The following DNAJC27 variants were observed in gnomAD, a reference collection of about 807,000 sequenced individuals.
DNAJC27 encodes dnaJ homolog subfamily C member 27.
Under a neutral mutation model 31.4 loss-of-function variants are expected in DNAJC27, and 25 were observed. That is an observed-to-expected ratio of 0.80 (90% CI 0.58 to 1.11). DNAJC27 has a LOEUF of 1.11. Ranked by LOEUF, DNAJC27 falls within the 50% of genes most tolerant of loss-of-function variation. DNAJC27 has a pLI of 0.00. For synonymous variants in DNAJC27, 106 were observed against 112.7 expected, an observed-to-expected ratio of 0.94 and a Z score of 0.37; for missense variants, 356 against 347.3, an observed-to-expected ratio of 1.02 and a Z score of -0.20.
intron 1 of DNAJC27, chr2:24,968,918 T>A (rs1666256008): frequency 6.2e-6 from 1 of 160,058 alleles, no homozygotes; most frequent in South Asian, 1.8e-4. Context: ...CTTGAGTACA[T>A]AGACAAATTT....
At chr2:24,957,783 T>C (rs1665943237) in intron 4 of DNAJC27, 27 bp downstream of exon 4, 1 of 1,604,394 alleles carries the variant, frequency 6.2e-7, no homozygotes, top group Non-Finnish European at 8.5e-7. Context: ...CCTAGAAATC[T>C]GAACACACCA....
chr2:24,969,998 T>C (rs1666288345), intron 1 of DNAJC27, among the ~76,000 whole-genome samples: 1 of 152,246 alleles, frequency 6.6e-6, no homozygotes, highest in Non-Finnish European at 1.5e-5. Flanking sequence ...TAATCCCACG[T>C]AAGGAAAAAG....
intron 1 of DNAJC27, chr2:24,969,527 GAGTGC>G (rs1437669954): frequency 1.2e-5 from 2 of 160,558 alleles, no homozygotes; most frequent in African/African-American, 4.8e-5. Context: ...GCCTAGGCTG[GAGTGC>G]AGTGGCACAA....
In DNAJC27 at chr2:24,967,953, C is replaced by A. The variant is rs907931962; in HGVS notation, c.88-660G>T. 1.8e-4 allele frequency among the ~76,000 whole-genome samples: 26 copies of A among 147,784 alleles called. 1 individual carries two copies. The highest frequency in any genetic ancestry group is 2.8e-4 in the Non-Finnish European group (19 of 67,512). On this transcript the variant is annotated intron_variant, in intron 1 of 6. Coordinates refer to ENST00000264711, the MANE Select transcript of DNAJC27 (RefSeq NM_016544.3). ...TCTCTAAATATCTATTAGATTAATTCCTTTTTTTTTTTTTTTTTGAGCCTA... is the reference window on the plus strand; with the variant it reads ...TCTCTAAATATCTATTAGATTAATTACTTTTTTTTTTTTTTTTTGAGCCTA...
At chr2:24,965,341 C>T (rs551855088) in intron 2 of DNAJC27, among the ~76,000 whole-genome samples, 4 of 152,042 alleles carry the variant, frequency 2.6e-5, no homozygotes, top group African/African-American at 7.2e-5. Context: ...CTGCAACCTC[C>T]GCCTCCGGGG....
chr2:24,954,400 C>A (rs1369864225), intron 5 of DNAJC27, among the ~76,000 whole-genome samples: 3 of 152,208 alleles, frequency 2.0e-5, no homozygotes, highest in East Asian at 3.9e-4. Context: ...AAAGGCTGTG[C>A]CCTAAAAATT....
At position 24,946,096 on chromosome 2, in the gene DNAJC27, T is replaced by C. The variant is rs894668755; in HGVS notation, c.*1520A>G. ...AAGAATGACGACGTAATGAGTCAAG[T>C]GGTGAGACTAGTTCTATAAGCACCG... is the stretch of plus-strand genomic sequence containing the variant. On this transcript the variant is annotated 3_prime_UTR_variant, in exon 7 of 7. Coordinates refer to ENST00000264711, the MANE Select transcript of DNAJC27 (RefSeq NM_016544.3). 11 of 152,204 alleles carry C rather than the reference T, an allele frequency of 7.2e-5. No individual in the cohort carries two copies. The highest frequency in any genetic ancestry group is 2.4e-4 in the African/African-American group (10 of 41,450). 9.4% of individuals were successfully genotyped at this position (152,204 alleles called of 1,614,324 possible). A position where few individuals can be genotyped will look rare whatever the true frequency, so the allele number is the denominator to read the frequency against.
chr2:24,963,312 T>G, intron 3 of DNAJC27, 93 bp downstream of exon 3: 2 of 971,858 alleles, frequency 2.1e-6, no homozygotes, highest in Non-Finnish European at 3.1e-6. Context: ...ATTTTACACA[T>G]GATATCAATA....
In DNAJC27 at chr2:24,967,276, T is replaced by A. The variant is rs774357896; in HGVS notation, c.105A>T (p.Arg35=). 15 of 1,613,306 alleles carry A rather than the reference T, an allele frequency of 9.3e-6. No homozygotes were observed. The highest frequency in any genetic ancestry group is 1.3e-5 in the Non-Finnish European group (15 of 1,179,428). ...TAGACACGAATCTTTTCTCACAGTA[T>A]CGCTTTATAATACAGCTCTAAAAAG... The part of the protein sequence containing the change: ...AEVGKSCIIK[R]YCEKRFVSKY... Residue 35 remains arginine (R), a synonymous_variant, in exon 2 of 7, where the codon CGA becomes CGT. Transcript: ENST00000264711.
At chr2:24,958,621 C>T (rs1370045196) in intron 3 of DNAJC27, 1 of 374,998 alleles carries the variant, frequency 2.7e-6, no homozygotes, top group Non-Finnish European at 5.5e-6. Context: ...GGGGATAATA[C>T]TACTTACTTC....
chr2:24,961,184 T>G (rs886480263), intron 3 of DNAJC27, among the ~76,000 whole-genome samples: 1 of 152,208 alleles, frequency 6.6e-6, no homozygotes, highest in Non-Finnish European at 1.5e-5. Context: ...ATGCTAAATC[T>G]ACTCTGCCTG....
Position 24,947,726 on chromosome 2 carries a change from G to A in DNAJC27, c.712C>T (p.Arg238Trp), listed in dbSNP as rs761204268. 6.2e-7 allele frequency: 1 copy of A among 1,613,382 alleles called. No individual in the cohort carries two copies. The highest frequency in any genetic ancestry group is 8.5e-7 in the Non-Finnish European group (1 of 1,179,418). The change falls in exon 7 of 7, where the codon CGG becomes TGG. Residue 238 changes from arginine to tryptophan, a missense_variant. Arg to Trp is a moderately radical substitution (Grantham distance 101). Transcript: ENST00000264711. The stretch of plus-strand genomic sequence containing the variant: ...GGGTGAAGAAGCACAGCAAGTTTCC[G>A]ATACGCTTTATTGACTTCATCCCTG... ...ASRDEVNKAY[R>W]KLAVLLHPDK...
intron 1 of DNAJC27, among the ~76,000 whole-genome samples, chr2:24,970,756 C>T (rs536909925): frequency 1.3e-5 from 2 of 151,380 alleles, no homozygotes; most frequent in African/African-American, 4.8e-5. Flanking sequence ...CGTGCCCAGT[C>T]CCTAGAAAAA....
At chr2:24,952,638 G>C (rs1665804357) in intron 5 of DNAJC27, among the ~76,000 whole-genome samples, 1 of 152,048 alleles carries the variant, frequency 6.6e-6, no homozygotes, top group African/African-American at 2.4e-5. Context: ...TGTTGAGAAA[G>C]AGTATATGCG....
In DNAJC27 at chr2:24,947,608, T is replaced by C. The variant is rs1665678481; in HGVS notation, c.*8A>G. The C allele has an allele frequency of 2.5e-6, 4 of 1,595,342 alleles. No individual in the cohort carries two copies. The highest frequency in any genetic ancestry group is 2.2e-5 in the East Asian group (1 of 44,530). ...TTGAGTCCCACATGTGGCTTTTTTC[T>C]GTACTTTCTACTTGATGTTTTTCAG... On this transcript the variant is annotated 3_prime_UTR_variant, in exon 7 of 7. Transcript: ENST00000264711.
rs1394280387 is a variant in DNAJC27 at position 24,971,890 on chromosome 2, C to T, written c.15G>A (p.Met5Ile). The T allele has an allele frequency of 6.2e-7, 1 of 1,604,510 alleles. No individual in the cohort carries two copies. The highest frequency in any genetic ancestry group is 8.5e-7 in the Non-Finnish European group (1 of 1,176,684). ...ACCTGCCGGGCTCCTTCCGCTTCGG[C>T]ATGTTGGCCTCCATGGCCCTGGCTC... Reference protein sequence around the residue: MEANMPKRKEPGRSL... With the variant: MEANIPKRKEPGRSL... The change falls in exon 1 of 7, where the codon ATG becomes ATA. Residue 5 changes from methionine (M) to isoleucine (I), a missense_variant. Coordinates refer to ENST00000264711, the MANE Select transcript of DNAJC27 (RefSeq NM_016544.3).
intron 3 of DNAJC27, among the ~76,000 whole-genome samples, chr2:24,962,265 A>G (rs770414033): frequency 6.6e-6 from 1 of 150,948 alleles, no homozygotes; most frequent in Non-Finnish European, 1.5e-5. Context: ...TTTGAATAAC[A>G]CACTCTCTTT....
chr2:24,959,563 G>A (rs1665991225), intron 3 of DNAJC27, among the ~76,000 whole-genome samples: 1 of 152,072 alleles, frequency 6.6e-6, no homozygotes, highest in Admixed American at 6.6e-5. Context: ...GATGTTAAAA[G>A]TTTCTGATCA....
intron 5 of DNAJC27, chr2:24,953,595 T>TA (rs1665833882): frequency 4.4e-6 from 2 of 453,546 alleles, no homozygotes; most frequent in Non-Finnish European, 5.8e-6. Context: ...TTTTTTTTTT[T>TA]AAACAGACTA....
Sources: gnomAD v4.1 joint callset for allele counts (sites outside exome capture counted in the v4.1 genomes callset) on GRCh38, gnomAD v4.1.1 for gene constraint, MANE v1.5 for transcripts, NCBI Gene and HGNC (gene_info 2026-07-23, HGNC 2026-07-21) for gene names.